CEP112: variants seen among roughly 807,000 people sequenced by gnomAD.
CEP112 encodes centrosomal protein of 112 kDa.
In CEP112, 127 loss-of-function variants were observed where a neutral mutation model predicts 153.0. That is an observed-to-expected ratio of 0.83 (90% CI 0.72 to 0.96). The LOEUF (loss-of-function observed/expected upper bound fraction) is 0.96, where lower values mean the gene tolerates loss of function less well. Among genes scored for constraint, CEP112 ranks in the 40% least tolerant of loss-of-function variants. The pLI is 0.00. For synonymous variants in CEP112, 358 were observed against 374.4 expected (o/e 0.96, Z 0.51); for missense variants, 1,089 against 1,101.2 (o/e 0.99, Z 0.16).
chr17:66,131,939 C>T (rs1056348776), intron 5 of CEP112, among the ~76,000 whole-genome samples: 11 of 151,660 alleles, frequency 7.3e-5, no homozygotes, highest in African/African-American at 1.5e-4. Context: ...GAGGCTGTGG[C>T]GGGTGGATCA....
chr17:65,980,393 G>C (rs1276889187), intron 17 of CEP112, among the ~76,000 whole-genome samples: 2 of 152,130 alleles, frequency 1.3e-5, no homozygotes, highest in African/African-American at 4.8e-5. Context: ...AGTTTTTGAA[G>C]GATAGAAATG....
At chr17:66,066,995 T>C in intron 9 of CEP112, 118 bp from the exon 10 acceptor site, 2 of 553,918 alleles carry the variant, frequency 3.6e-6, no homozygotes, top group East Asian at 7.7e-5. Context: ...TTAACAAATA[T>C]GACTACACTG....
intron 21 of CEP112, among the ~76,000 whole-genome samples, chr17:65,850,153 CAAAAAAAAAA>C (rs57086665): frequency 8.4e-5 from 3 of 35,728 alleles, no homozygotes; most frequent in Middle Eastern, 0.014. Context: ...GACTCTGTCT[CAAAAAAAAAA>C]AAAAAAAAAA....
At chr17:66,006,659 C>T (rs1299806780) in intron 16 of CEP112, among the ~76,000 whole-genome samples, 1 of 151,656 alleles carries the variant, frequency 6.6e-6, no homozygotes, top group Non-Finnish European at 1.5e-5. Context: ...TGCAGATAAA[C>T]ATAGCCAATG....
chr17:65,742,016 T>C (rs926293240), intron 23 of CEP112, among the ~76,000 whole-genome samples: 1 of 147,916 alleles, frequency 6.8e-6, no homozygotes, highest in Non-Finnish European at 1.5e-5. Flanking sequence ...AAAAAAAAAG[T>C]CCTCAATGGT....
At chr17:65,755,277 T>A (rs182387817) in intron 21 of CEP112, among the ~76,000 whole-genome samples, 1 of 152,102 alleles carries the variant, frequency 6.6e-6, no homozygotes, top group East Asian at 1.9e-4. Flanking sequence ...TATCTTCACA[T>A]GCCCAGAGCA....
chr17:66,062,896 T>C, intron 11 of CEP112, 67 bp downstream of exon 11: 2 of 764,108 alleles, frequency 2.6e-6, no homozygotes, highest in Non-Finnish European at 4.1e-6. Context: ...CTATTACTTT[T>C]ATAATTAAAT....
intron 23 of CEP112, among the ~76,000 whole-genome samples, chr17:65,732,566 A>G (rs2050575309): frequency 6.6e-6 from 1 of 152,220 alleles, no homozygotes; most frequent in African/African-American, 2.4e-5. Context: ...TCTTCTTCCA[A>G]CAGAAGGCTG....
In CEP112 at chr17:65,743,189, G is replaced by T; in HGVS notation, c.2486C>A (p.Ser829Tyr). 6.2e-7 allele frequency: 1 copy of T among 1,611,382 alleles called. No individual in the cohort carries two copies. The highest frequency in any genetic ancestry group is 8.5e-7 in the Non-Finnish European group (1 of 1,179,158). The change falls in exon 23 of 27, where the codon TCC becomes TAC. Residue 829 changes from serine (S) to tyrosine (Y), a missense_variant. Ser to Tyr is a moderately radical substitution (Grantham distance 144). Transcript: ENST00000535342. ...CTGGCTGTTCTCTTCTTTCAGAGAGGAAATGGTTGTCTGAAGTTCTGCTAT... is the reference window on the plus strand; with the variant it reads ...CTGGCTGTTCTCTTCTTTCAGAGAGTAAATGGTTGTCTGAAGTTCTGCTAT... ...QIIAELQTTISSLKEENSQQQ... is the reference protein window; with the variant it reads ...QIIAELQTTIYSLKEENSQQQ...
At chr17:65,958,851 C>A (rs1265573788) in intron 18 of CEP112, among the ~76,000 whole-genome samples, 1 of 152,096 alleles carries the variant, frequency 6.6e-6, no homozygotes, top group African/African-American at 2.4e-5. Flanking sequence ...ACTCGTGGTG[C>A]CTTTTCTGGG....
chr17:65,736,828 C>T (rs1325900661), intron 23 of CEP112, among the ~76,000 whole-genome samples: 1 of 152,172 alleles, frequency 6.6e-6, no homozygotes, highest in Non-Finnish European at 1.5e-5. Flanking sequence ...TCTTGCACTT[C>T]TGTAATCTAC....
At chr17:65,716,518 G>A (rs77245814) in intron 23 of CEP112, among the ~76,000 whole-genome samples, 2,048 of 152,200 alleles carry the variant, frequency 0.013, 38 homozygotes, top group African/African-American at 0.046. Flanking sequence ...AAGGTAGAGC[G>A]GGGCAGGGGA....
intron 4 of CEP112, among the ~76,000 whole-genome samples, chr17:66,151,348 CCTAG>C (rs2071202989): frequency 6.6e-6 from 1 of 152,156 alleles, no homozygotes; most frequent in Non-Finnish European, 1.5e-5. Context: ...TCTAGCTATA[CCTAG>C]CTATATGTCT....
At chr17:66,165,298 A>C (rs1049851784) in intron 4 of CEP112, among the ~76,000 whole-genome samples, 10 of 152,150 alleles carry the variant, frequency 6.6e-5, no homozygotes, top group African/African-American at 2.4e-4. Context: ...TCAGTTTTTC[A>C]ATCACACCAG....
chr17:66,029,900 T>C lies in CEP112; in HGVS notation c.1342A>G (p.Thr448Ala), dbSNP rs2065390009. ...TTTACTTCTTGTAATTCACTACACG[T>C]TATCTGGTAACATCTTTCAAGTTCT... ...KAELERCYQI[T>A]CSELQEVKAR... The change falls in exon 13 of 27, where the codon ACG (threonine) becomes GCG (alanine). Residue 448 changes from threonine to alanine, a missense_variant. Physicochemically the swap from Thr to Ala is moderately conservative, Grantham distance 58. Transcript: ENST00000535342. 1 of 1,613,824 alleles carries C rather than the reference T, an allele frequency of 6.2e-7. No homozygotes were observed.
At position 65,982,225 on chromosome 17, in the gene CEP112, C is replaced by T. The variant is rs1436299534; in HGVS notation, c.1737-20627G>A. Among the ~76,000 whole-genome samples the T allele has an allele frequency of 4.6e-5, 7 of 152,092 alleles. No homozygotes were observed. In the East Asian group the frequency reaches 1.3e-3, roughly 29 times the overall value. Reference sequence around the variant, plus strand: ...GTGTTACAAACAACCCAATTATATGCTATTTTTTATGATAATAACTATACA... The same window carrying T: ...GTGTTACAAACAACCCAATTATATGTTATTTTTTATGATAATAACTATACA... On this transcript the variant is annotated intron_variant, in intron 17 of 26. Coordinates refer to ENST00000535342, the MANE Select transcript of CEP112 (RefSeq NM_001199165.4).
At chr17:65,970,383 A>ATG (rs1329095333) in intron 17 of CEP112, among the ~76,000 whole-genome samples, 1,501 of 58,138 alleles carry the variant, frequency 0.026, 143 homozygotes, top group Middle Eastern at 0.037. Context: ...CACATCATGC[A>ATG]TATATATTAC....
At chr17:65,756,985 G>A (rs1035252548) in intron 21 of CEP112, among the ~76,000 whole-genome samples, 1 of 152,084 alleles carries the variant, frequency 6.6e-6, no homozygotes, top group Non-Finnish European at 1.5e-5. Flanking sequence ...AGGTAATTAA[G>A]GCAAAATGAG....
intron 6 of CEP112, among the ~76,000 whole-genome samples, chr17:66,129,430 C>T (rs146521587): frequency 9.5e-4 from 144 of 152,296 alleles, no homozygotes; most frequent in African/African-American, 2.9e-3. Context: ...TCCCCTCCAC[C>T]TCGGGCGACT....
Sources: allele counts gnomAD v4.1 joint callset (sites outside exome capture counted in the v4.1 genomes callset), GRCh38; gene constraint gnomAD v4.1.1; transcripts MANE v1.5; gene names NCBI Gene and HGNC (gene_info 2026-07-23, HGNC 2026-07-21).